RBFOX1: variants seen among roughly 807,000 people sequenced by gnomAD.
RBFOX1 encodes the protein RNA binding protein fox-1 homolog 1.
RBFOX1 carries 8 observed loss-of-function variants against 57.7 expected under a neutral mutation model. The observed-to-expected ratio is 0.14, with a 90% CI of 0.08 to 0.25. The LOEUF is 0.25. Ranked by LOEUF, RBFOX1 falls within the 10% of genes least tolerant of loss-of-function variation. RBFOX1 has a pLI of 1.00. For synonymous variants in RBFOX1, 326 were observed against 222.4 expected, an observed-to-expected ratio of 1.47 and a Z score of -4.15; for missense variants, 611 against 548.5, an observed-to-expected ratio of 1.11 and a Z score of -1.14.
chr16:7,061,112 C>G (rs555702715), intron 4 of RBFOX1, among the ~76,000 whole-genome samples: 45 of 152,184 alleles, frequency 3.0e-4, no homozygotes, highest in African/African-American at 1.0e-3. Flanking sequence ...AACGAATGGT[C>G]CCAACTTTGT....
At chr16:6,464,158 A>G (rs1220899224) in intron 2 of RBFOX1, among the ~76,000 whole-genome samples, 1 of 152,232 alleles carries the variant, frequency 6.6e-6, no homozygotes, top group Non-Finnish European at 1.5e-5. Context: ...TATCCAGAGA[A>G]AAACAAATTA....
chr16:7,309,764 G>T (rs778832345), intron 4 of RBFOX1, among the ~76,000 whole-genome samples: 3 of 152,194 alleles, frequency 2.0e-5, no homozygotes, highest in Admixed American at 1.3e-4. Context: ...CGAAATTGCA[G>T]CATTGTAAAC....
At chr16:5,281,337 G>A (rs1301545335) in intron 1 of RBFOX1, among the ~76,000 whole-genome samples, 1 of 152,088 alleles carries the variant, frequency 6.6e-6, no homozygotes, top group Non-Finnish European at 1.5e-5. Context: ...CTTGTTTTGT[G>A]TCCTAGCATA....
In RBFOX1 at chr16:6,455,448, C is replaced by T. The variant is rs565806652; in HGVS notation, c.-64+138391C>T. ...ACCCAACCTTGACCTTCAGCAAGTC[C>T]CTTAGCCTCCCGTTGAGTGGCAGGC... On this transcript the variant is annotated intron_variant, in intron 2 of 15. Coordinates refer to ENST00000550418, the MANE Select transcript of RBFOX1 (RefSeq NM_018723.4). Among the ~76,000 whole-genome samples, 4 of 152,294 alleles carry T rather than the reference C, an allele frequency of 2.6e-5. No homozygotes were observed. The East Asian group carries it at 7.7e-4, about 29-fold the overall frequency.
intron 3 of RBFOX1, among the ~76,000 whole-genome samples, chr16:6,859,199 A>ATATATATACGTATATATATG (rs1567594061): frequency 1.2e-4 from 13 of 107,760 alleles, no homozygotes; most frequent in Non-Finnish European, 2.0e-4. Context: ...ATATATATGT[A>ATATATATACGTATATATATG]TATATATATA....
intron 4 of RBFOX1, among the ~76,000 whole-genome samples, chr16:7,477,913 T>C (rs893240904): frequency 6.6e-6 from 1 of 152,172 alleles, no homozygotes; most frequent in African/African-American, 2.4e-5. Context: ...TTAAAGCATC[T>C]TGTTGTTTAT....
chr16:6,800,134 C>G (rs1270449802), intron 3 of RBFOX1, among the ~76,000 whole-genome samples: 1 of 152,106 alleles, frequency 6.6e-6, no homozygotes, highest in Non-Finnish European at 1.5e-5. Flanking sequence ...GTTCCTAGTC[C>G]TACTGGTTTG....
At position 7,361,907 on chromosome 16, in the gene RBFOX1, TGTTA is replaced by T. The variant is rs1030737531; in HGVS notation, c.28-156236_28-156233del. On this transcript the variant is annotated intron_variant, in intron 4 of 15. Coordinates refer to ENST00000550418, the MANE Select transcript of RBFOX1 (RefSeq NM_018723.4). The stretch of plus-strand genomic sequence containing the variant: ...ATATGTTAGTATGTGTATTTTTTTG[TGTTA>T]GTTTGCATATGTGTGTTAGTGTGTA... Among the ~76,000 whole-genome samples the T allele has an allele frequency of 1.1e-4, 17 of 151,562 alleles. 1 individual carries two copies. Among genetic ancestry groups the T allele is most frequent in the Admixed American group, 3.3e-4 (5 of 15,184 alleles).
intron 1 of RBFOX1, among the ~76,000 whole-genome samples, chr16:6,251,258 A>G (rs2097608664): frequency 6.6e-6 from 1 of 152,310 alleles, no homozygotes; most frequent in South Asian, 2.1e-4. Flanking sequence ...AACCCCAGAG[A>G]GTGAGAGTCA....
chr16:6,927,780 C>T (rs1420122141), intron 3 of RBFOX1, among the ~76,000 whole-genome samples: 3 of 152,116 alleles, frequency 2.0e-5, no homozygotes, highest in Non-Finnish European at 4.4e-5. Context: ...TGTTTTTGTT[C>T]TGTTGAATTA....
At chr16:5,936,146 CAG>C (rs773604524) in intron 4 of RBFOX1, among the ~76,000 whole-genome samples, 31 of 152,078 alleles carry the variant, frequency 2.0e-4, no homozygotes, top group Non-Finnish European at 3.2e-4. Flanking sequence ...TGTTTTGAGA[CAG>C]AGTTTCACTC....
At chr16:7,652,341 T>A (rs2065244891) in intron 11 of RBFOX1, among the ~76,000 whole-genome samples, 1 of 152,132 alleles carries the variant, frequency 6.6e-6, no homozygotes, top group South Asian at 2.1e-4. Context: ...TTAATTCCCC[T>A]TCCTAACTCC....
intron 2 of RBFOX1, among the ~76,000 whole-genome samples, chr16:6,609,337 T>C (rs564210488): frequency 1.3e-5 from 2 of 152,046 alleles, no homozygotes; most frequent in South Asian, 4.2e-4. Flanking sequence ...TGATTTTCTT[T>C]TTTCTCTTTT....
At chr16:7,195,933 T>G (rs966923380) in intron 4 of RBFOX1, among the ~76,000 whole-genome samples, 1 of 152,136 alleles carries the variant, frequency 6.6e-6, no homozygotes, top group Non-Finnish European at 1.5e-5. Context: ...CCACGTGATA[T>G]GATTTTTTCT....
At chr16:6,008,875 C>G (rs750792495) in intron 4 of RBFOX1, among the ~76,000 whole-genome samples, 22 of 152,274 alleles carry the variant, frequency 1.4e-4, no homozygotes, top group Non-Finnish European at 2.6e-4. Context: ...GGCAAGCAAG[C>G]TCGTCTTAGA....
At chr16:6,738,505 C>T (rs1235173897) in intron 3 of RBFOX1, among the ~76,000 whole-genome samples, 1 of 151,992 alleles carries the variant, frequency 6.6e-6, no homozygotes, top group East Asian at 1.9e-4. Context: ...ACATGTAGAA[C>T]ATAAAAAAAC....
intron 1 of RBFOX1, among the ~76,000 whole-genome samples, chr16:5,418,051 A>ATGTTGTT (rs1393355777): frequency 2.0e-5 from 3 of 150,316 alleles, no homozygotes; most frequent in Non-Finnish European, 4.4e-5. Flanking sequence ...ATTGCACTCC[A>ATGTTGTT]GCCTGGGCAA....
intron 3 of RBFOX1, among the ~76,000 whole-genome samples, chr16:6,924,556 G>C (rs2075166011): frequency 6.6e-6 from 1 of 152,094 alleles, no homozygotes; most frequent in Admixed American, 6.5e-5. Context: ...ATGAGATTTA[G>C]AGAGGACACA....
At chr16:6,121,526 C>A (rs766567336) in intron 1 of RBFOX1, among the ~76,000 whole-genome samples, 1 of 152,214 alleles carries the variant, frequency 6.6e-6, no homozygotes, top group Non-Finnish European at 1.5e-5. Context: ...GCCACATTAA[C>A]CTTTTTGTTT....
Sources: allele counts gnomAD v4.1 joint callset (sites outside exome capture counted in the v4.1 genomes callset), GRCh38; gene constraint gnomAD v4.1.1; transcripts MANE v1.5; gene names NCBI Gene and HGNC (gene_info 2026-07-23, HGNC 2026-07-21).